The following FOXN4 variants were observed in gnomAD, a reference collection of about 807,000 sequenced individuals.
FOXN4 encodes forkhead box protein N4.
Under a neutral mutation model 45.0 loss-of-function variants are expected in FOXN4, and 12 were observed. The ratio of observed to expected loss-of-function variants is 0.27; its 90% confidence interval spans 0.17 to 0.43. The LOEUF (loss-of-function observed/expected upper bound fraction) is 0.43, where lower values mean the gene tolerates loss of function less well. FOXN4 is among the 20% of genes least tolerant of loss of function. FOXN4 has a pLI of 1.00. For synonymous variants in FOXN4, 297 were observed against 295.0 expected, an observed-to-expected ratio of 1.01 and a Z score of -0.07; for missense variants, 560 against 694.9, an observed-to-expected ratio of 0.81 and a Z score of 2.18.
intron 2 of FOXN4, among the ~76,000 whole-genome samples, chr12:109,295,779 C>T (rs2136936084): frequency 6.6e-6 from 1 of 152,300 alleles, no homozygotes; most frequent in South Asian, 2.1e-4. Context: ...GAGCAAGATA[C>T]TGTCTCAAAA....
intron 1 of FOXN4, 56 bp from the exon 2 acceptor site, chr12:109,308,380 C>A: frequency 1.7e-6 from 2 of 1,170,316 alleles, no homozygotes; most frequent in South Asian, 1.5e-5. Context: ...ATGGACAGGG[C>A]AGAAACCCAC....
Position 109,288,413 on chromosome 12 carries a change from A to T in FOXN4, c.233-233T>A, listed in dbSNP as rs1026125496. 1.3e-5 allele frequency among the ~76,000 whole-genome samples: 2 copies of T among 152,154 alleles called. No individual in the cohort carries two copies. Among genetic ancestry groups the T allele is most frequent in the Non-Finnish European group, 2.9e-5 (2 of 68,026 alleles). ...TCCCATTTGTACTTGATCTACTGAT[A>T]CCCCTAACTATAAATCTGCTGTGAG... On this transcript the variant is annotated intron_variant, in intron 3 of 9. Transcript: ENST00000299162. This position sits in a 1 kb window ranked among gnomAD's most constrained non-coding sequence, Gnocchi z 4.3.
In FOXN4 at chr12:109,288,130, G is replaced by A; in HGVS notation, c.283C>T (p.Leu95Phe). 6.5e-7 allele frequency: 1 copy of A among 1,546,078 alleles called. No homozygotes were observed. The highest frequency in any genetic ancestry group is 2.4e-5 in the East Asian group (1 of 40,882). The change falls in exon 4 of 10, where the codon CTT becomes TTT. Residue 95 changes from leucine to phenylalanine, a missense_variant. Physicochemically the swap from Leu to Phe is conservative, Grantham distance 22. This residue lies in a region of FOXN4 where 142 missense variants were observed against 185.7 expected (regional missense o/e 0.76). Transcript: ENST00000299162. The surrounding 1 kb of genome is among the most constrained non-coding windows in gnomAD (Gnocchi z 4.3). Reference sequence around the variant, plus strand: ...GCCATGCCTGCTGGGCCATGGAGAAGGGGACTTGGAGTGGCTCCCACATGC... The same window carrying A: ...GCCATGCCTGCTGGGCCATGGAGAAAGGGACTTGGAGTGGCTCCCACATGC... ...DLHVGATPSP[L>F]LHGPAGMAPR...
chr12:109,293,776 G>A (rs2047791693), intron 2 of FOXN4, among the ~76,000 whole-genome samples: 1 of 152,194 alleles, frequency 6.6e-6, no homozygotes, highest in Non-Finnish European at 1.5e-5. Context: ...CCCTTTAAAT[G>A]CCTGCTTGGC....
chr12:109,304,221 G>GAGAGAGAAAGAA (rs1268751098), intron 2 of FOXN4, among the ~76,000 whole-genome samples: 1 of 82,480 alleles, frequency 1.2e-5, no homozygotes, highest in African/African-American at 5.0e-5. Context: ...AGAAAAGAAA[G>GAGAGAGAAAGAA]AGAAAGAAAG....
chr12:109,282,977 G>A (rs538431552), intron 8 of FOXN4, among the ~76,000 whole-genome samples: 1 of 152,106 alleles, frequency 6.6e-6, no homozygotes, highest in Non-Finnish European at 1.5e-5. Flanking sequence ...CCTCAACTGA[G>A]GGACCATTGG....
Position 109,298,139 on chromosome 12 carries a change from G to A in FOXN4, c.87-7853C>T, listed in dbSNP as rs1408743970. Among the ~76,000 whole-genome samples, 4 of 151,904 alleles carry A rather than the reference G, an allele frequency of 2.6e-5. 1 individual carries two copies. Among genetic ancestry groups the A allele is most frequent in the Non-Finnish European group, 4.4e-5 (3 of 67,958 alleles). On this transcript the variant is annotated intron_variant, in intron 2 of 9. Coordinates refer to ENST00000299162, the MANE Select transcript of FOXN4 (RefSeq NM_213596.3). Reference sequence around the variant, plus strand: ...TTCATTGTAAAAGGAGTCCCCCATCGCCATCCCCACCACCAGCAAGGAGGT... The same window carrying A: ...TTCATTGTAAAAGGAGTCCCCCATCACCATCCCCACCACCAGCAAGGAGGT...
chr12:109,307,233 G>A (rs34001935), intron 2 of FOXN4, among the ~76,000 whole-genome samples: 29,132 of 152,126 alleles, frequency 0.19, 2,937 homozygotes, highest in African/African-American at 0.25. Flanking sequence ...CAGTGACCCC[G>A]GGGGGGCCAG....
rs34879457 is a variant in FOXN4 at position 109,280,342 on chromosome 12, CAAAAA to C, written c.1295-417_1295-413del. Among the ~76,000 whole-genome samples, 8 of 53,550 alleles carry C rather than the reference CAAAAA, an allele frequency of 1.5e-4. No individual in the cohort carries two copies. In the South Asian group the frequency reaches 5.8e-3, roughly 39 times the overall value. The allele number at this position is 53,550 out of a possible 152,430, so 35.1% of individuals were successfully genotyped here. A position where few individuals can be genotyped will look rare whatever the true frequency, so the allele number is the denominator to read the frequency against. On this transcript the variant is annotated intron_variant, in intron 9 of 9. Transcript: ENST00000299162. ...TGGGTGACAGAGTGAGACTCCACCT[CAAAAA>C]AAAAAAAAAAAAAAAAAAAGCATGG...
intron 7 of FOXN4, 75 bp downstream of exon 7, chr12:109,286,573 G>T (rs1230837514): frequency 6.8e-7 from 1 of 1,479,104 alleles, no homozygotes; most frequent in Non-Finnish European, 9.2e-7. Flanking sequence ...TTGGCCCAGG[G>T]CCAGCCCTGG....
chr12:109,296,904 C>T (rs937008671), intron 2 of FOXN4, among the ~76,000 whole-genome samples: 2 of 152,252 alleles, frequency 1.3e-5, no homozygotes, highest in Non-Finnish European at 2.9e-5. Flanking sequence ...GCTAAAGCCA[C>T]TTTCTCACTG....
rs1047714361 is a variant in FOXN4, at chr12:109,300,892, G to C, written c.86+7344C>G. ...CTGCTGCACTCCAGCCTGGGGGACA[G>C]AGCAAGACCCTGTCTCTAAAAAAAT... On this transcript the variant is annotated intron_variant, in intron 2 of 9. Transcript: ENST00000299162. Among the ~76,000 whole-genome samples, 5 of 152,238 alleles carry C rather than the reference G, an allele frequency of 3.3e-5. No individual in the cohort carries two copies. In the South Asian group the frequency reaches 1.0e-3, roughly 32 times the overall value.
At chr12:109,302,680 TCTC>T (rs1232069730) in intron 2 of FOXN4, among the ~76,000 whole-genome samples, 2 of 152,020 alleles carry the variant, frequency 1.3e-5, no homozygotes, top group African/African-American at 2.4e-5. Flanking sequence ...CACTTCATTC[TCTC>T]CTCTGCGTTG....
intron 7 of FOXN4, 72 bp from the exon 8 acceptor site, chr12:109,285,583 G>A: frequency 6.6e-7 from 1 of 1,520,532 alleles, no homozygotes; most frequent in Non-Finnish European, 9.1e-7. Flanking sequence ...CTCCTACTCA[G>A]GCCTATAGGG....
intron 2 of FOXN4, 29 bp downstream of exon 2, chr12:109,308,207 A>G: frequency 6.6e-7 from 1 of 1,510,674 alleles, no homozygotes; most frequent in South Asian, 1.2e-5. Flanking sequence ...ATTAAAAAAT[A>G]TATAGTTTGT....
rs146413072 is a variant in FOXN4 at position 109,286,760 on chromosome 12, G to GGGGCA, written c.597-21_597-17dup. The stretch of plus-strand genomic sequence containing the variant: ...GATCAGACAGCTGGGGGCAGGAGGT[G>GGGGCA]GGGCAGGGCAGGGCAGGGCAGGACA... On this transcript the variant is annotated splice_polypyrimidine_tract_variant and intron_variant, in intron 6 of 9. Coordinates refer to ENST00000299162, the MANE Select transcript of FOXN4 (RefSeq NM_213596.3). 3.2e-4 allele frequency: 516 copies of GGGGCA among 1,600,510 alleles called. 1 individual carries two copies. The highest frequency in any genetic ancestry group is 1.0e-3 in the Admixed American group (60 of 59,432).
intron 2 of FOXN4, among the ~76,000 whole-genome samples, chr12:109,297,009 G>C (rs1018381836): frequency 6.6e-6 from 1 of 152,220 alleles, no homozygotes; most frequent in Non-Finnish European, 1.5e-5. Context: ...GGCCAGAGAG[G>C]AACAGGCCTG....
At position 109,279,751 on chromosome 12, in the gene FOXN4, C is replaced by A; in HGVS notation, c.1474G>T (p.Asp492Tyr). ...CTGGTGCCCGATGCAGCCACACTGTCCGGAGTGGAGTACGCTGTGTAGAGA... is the reference window on the plus strand; with the variant it reads ...CTGGTGCCCGATGCAGCCACACTGTACGGAGTGGAGTACGCTGTGTAGAGA... Reference protein sequence around the residue: ...TGLYTAYSTPDSVAASGTSSS... With the variant: ...TGLYTAYSTPYSVAASGTSSS... Residue 492 changes from aspartate to tyrosine, a missense_variant, in exon 10 of 10, where the codon GAC becomes TAC. Around this residue, in one of 5 missense-constraint regions of FOXN4, gnomAD observed 315 missense variants for 350.5 expected, o/e 0.90. Transcript: ENST00000299162. The A allele has an allele frequency of 6.3e-7, 1 of 1,589,958 alleles. No homozygotes were observed. The highest frequency in any genetic ancestry group is 8.6e-7 in the Non-Finnish European group (1 of 1,168,358).
Position 109,287,857 on chromosome 12 carries a change from G to T in FOXN4, c.455C>A (p.Pro152Gln). 1 of 1,548,818 alleles carries T rather than the reference G, an allele frequency of 6.5e-7. No individual in the cohort carries two copies. Among genetic ancestry groups the T allele is most frequent in the South Asian group, 1.2e-5 (1 of 83,902 alleles). The change falls in exon 5 of 10, where the codon CCG becomes CAG. Residue 152 changes from proline (P) to glutamine (Q), a missense_variant. By Grantham distance (76) the Pro-to-Gln change is moderately conservative. Transcript: ENST00000299162. This position sits in a 1 kb window ranked among gnomAD's most constrained non-coding sequence, Gnocchi z 4.1. ...AGCCCTTGGTACCTGCTGGGCACCCGGGGGGAGCGGGAACTGTGGTTGGGT... is the reference window on the plus strand; with the variant it reads ...AGCCCTTGGTACCTGCTGGGCACCCTGGGGGAGCGGGAACTGTGGTTGGGT... ...PATQPQFPLP[P>Q]GAQQCPPVGL... is the part of the protein sequence containing the mutation.
Sources: allele counts gnomAD v4.1 joint callset (sites outside exome capture counted in the v4.1 genomes callset), GRCh38; gene constraint gnomAD v4.1.1; regional missense constraint gnomAD v4.1.1; non-coding constraint Gnocchi (gnomAD v3.1); transcripts MANE v1.5; gene names NCBI Gene and HGNC (gene_info 2026-07-23, HGNC 2026-07-21).